Variants in NDUFAF2 observed in about 807,000 individuals in gnomAD.
NDUFAF2 encodes NADH dehydrogenase [ubiquinone] 1 alpha subcomplex assembly factor 2.
In NDUFAF2, 13 loss-of-function variants were observed where a neutral mutation model predicts 22.8. The observed-to-expected ratio is 0.57, with a 90% CI of 0.37 to 0.91. The LOEUF (loss-of-function observed/expected upper bound fraction) is 0.91, where lower values mean the gene tolerates loss of function less well. NDUFAF2 is among the 40% of genes least tolerant of loss of function. The pLI is 0.01. For missense variants in NDUFAF2, 162 were observed against 195.2 expected, an observed-to-expected ratio of 0.83 and a Z score of 1.01; for synonymous variants, 53 against 64.2, an observed-to-expected ratio of 0.83 and a Z score of 0.84.
chr5:61,098,318 A>G (rs1752668276), intron 2 of NDUFAF2, among the ~76,000 whole-genome samples: 1 of 152,208 alleles, frequency 6.6e-6, no homozygotes, highest in South Asian at 2.1e-4. Flanking sequence ...TGACTTTAGA[A>G]TCTCATAAGC....
At chr5:61,050,882 A>C (rs917088555) in intron 1 of NDUFAF2, among the ~76,000 whole-genome samples, 6 of 152,206 alleles carry the variant, frequency 3.9e-5, no homozygotes, top group African/African-American at 1.2e-4. Context: ...ATCCAAAGAG[A>C]AAGTGAGTAC....
rs574765188 is a variant in NDUFAF2, at chr5:60,997,935, AAAT to A, written c.127+52554_127+52556del. 2.0e-5 allele frequency among the ~76,000 whole-genome samples: 3 copies of A among 152,304 alleles called. No individual in the cohort carries two copies. In the South Asian group the frequency reaches 6.2e-4, roughly 32 times the overall value. On this transcript the variant is annotated intron_variant, in intron 1 of 3. Coordinates refer to ENST00000296597, the MANE Select transcript of NDUFAF2 (RefSeq NM_174889.5). ...TTGGCCACCTTCCAGGCTTCCTACT[AAAT>A]TATTGGCAGCAAAGCACTAATGTGC...
chr5:60,946,991 A>G (rs770827004), intron 1 of NDUFAF2, among the ~76,000 whole-genome samples: 8 of 152,340 alleles, frequency 5.3e-5, no homozygotes, highest in Middle Eastern at 3.4e-3. Context: ...GTAGTATTCC[A>G]TTGTATGGGT....
chr5:60,967,300 C>T (rs930942036), intron 1 of NDUFAF2, among the ~76,000 whole-genome samples: 1 of 151,882 alleles, frequency 6.6e-6, no homozygotes, highest in African/African-American at 2.4e-5. Flanking sequence ...TACAGTGTAA[C>T]ATCTTCCTTT....
At chr5:61,088,723 ATT>A (rs1334946745) in intron 2 of NDUFAF2, among the ~76,000 whole-genome samples, 2 of 152,122 alleles carry the variant, frequency 1.3e-5, no homozygotes, top group Non-Finnish European at 2.9e-5. Context: ...TTGGAAAATG[ATT>A]TGTTTCATAA....
At chr5:60,989,267 T>C (rs1751125287) in intron 1 of NDUFAF2, among the ~76,000 whole-genome samples, 1 of 152,104 alleles carries the variant, frequency 6.6e-6, no homozygotes, top group African/African-American at 2.4e-5. Flanking sequence ...TTACAGATGC[T>C]GGAGGGGTTA....
chr5:61,043,419 T>C (rs561328037), intron 1 of NDUFAF2, among the ~76,000 whole-genome samples: 3 of 149,344 alleles, frequency 2.0e-5, no homozygotes, highest in African/African-American at 7.2e-5. Flanking sequence ...GTAGTCACCA[T>C]GATGTATAGT....
chr5:61,093,710 T>C (rs1752600422), intron 2 of NDUFAF2, among the ~76,000 whole-genome samples: 1 of 152,254 alleles, frequency 6.6e-6, no homozygotes, highest in Non-Finnish European at 1.5e-5. Context: ...GATATTGGCC[T>C]GAAGTTTTCC....
chr5:61,144,597 A>C (rs1741108673), intron 3 of NDUFAF2, among the ~76,000 whole-genome samples: 2 of 152,178 alleles, frequency 1.3e-5, no homozygotes, highest in Non-Finnish European at 2.9e-5. Flanking sequence ...GCTCCAGAGA[A>C]GCAGAATGGT....
At chr5:60,992,987 C>T (rs1421349021) in intron 1 of NDUFAF2, among the ~76,000 whole-genome samples, 2 of 152,182 alleles carry the variant, frequency 1.3e-5, no homozygotes, top group Non-Finnish European at 2.9e-5. Flanking sequence ...GACTGTTGGT[C>T]TCGTTCCACA....
intron 1 of NDUFAF2, among the ~76,000 whole-genome samples, chr5:61,014,527 G>A (rs1275056261): frequency 6.6e-6 from 1 of 152,100 alleles, no homozygotes. Flanking sequence ...GGAGTCCTGG[G>A]AACCCCTAAT....
At chr5:61,008,487 C>G (rs1269587632) in intron 1 of NDUFAF2, among the ~76,000 whole-genome samples, 1 of 152,106 alleles carries the variant, frequency 6.6e-6, no homozygotes, top group African/African-American at 2.4e-5. Flanking sequence ...AGTTCATCCA[C>G]ACCTTATTTC....
intron 3 of NDUFAF2, among the ~76,000 whole-genome samples, chr5:61,100,660 T>G (rs1413345969): frequency 1.3e-5 from 2 of 152,146 alleles, no homozygotes; most frequent in African/African-American, 4.8e-5. Context: ...GGAAACTTTC[T>G]CTACCACAGA....
At chr5:61,065,636 G>C (rs1752217360) in intron 1 of NDUFAF2, among the ~76,000 whole-genome samples, 1 of 152,066 alleles carries the variant, frequency 6.6e-6, no homozygotes, top group Non-Finnish European at 1.5e-5. Context: ...TTTCGACAAA[G>C]TGTGATATTC....
rs768889484 is a variant in NDUFAF2 at position 61,035,424 on chromosome 5, G to GTTTTTTT, written c.128-37679_128-37673dup. On this transcript the variant is annotated intron_variant, in intron 1 of 3. Transcript: ENST00000296597. ...GACAACTCTCTTTCTCTCTTGCTCT[G>GTTTTTTT]TTTTTTTTTTTTTTTTTTTTTTTTT... Among the ~76,000 whole-genome samples, 90 of 40,522 alleles carry GTTTTTTT rather than the reference G, an allele frequency of 2.2e-3. 13 individuals carry two copies. Among genetic ancestry groups the GTTTTTTT allele is most frequent in the African/African-American group, 3.0e-3 (30 of 9,986 alleles). The allele number at this position is 40,522 out of a possible 152,430, so 26.6% of individuals were successfully genotyped here.
chr5:61,056,919 A>AAAAAATATAT (rs1752105032), intron 1 of NDUFAF2, among the ~76,000 whole-genome samples: 2 of 28,810 alleles, frequency 6.9e-5, no homozygotes, highest in Admixed American at 6.1e-4. Context: ...AAAAAAAAAA[A>AAAAAATATAT]ATATATATAT....
intron 1 of NDUFAF2, among the ~76,000 whole-genome samples, chr5:61,017,371 G>A (rs1399557896): frequency 3.0e-5 from 4 of 131,864 alleles, no homozygotes; most frequent in South Asian, 2.7e-4. Flanking sequence ...TTATTGATTC[G>A]GGTTTTCTTT....
intron 1 of NDUFAF2, among the ~76,000 whole-genome samples, chr5:60,997,521 T>C (rs1369964634): frequency 6.6e-6 from 1 of 152,218 alleles, no homozygotes; most frequent in Non-Finnish European, 1.5e-5. Context: ...TTAAAAACTT[T>C]ATTGAGCTCT....
At chr5:60,951,943 G>A (rs913502921) in intron 1 of NDUFAF2, among the ~76,000 whole-genome samples, 1 of 151,250 alleles carries the variant, frequency 6.6e-6, no homozygotes, top group Non-Finnish European at 1.5e-5. Flanking sequence ...TCTTAGGTGA[G>A]TTTTGGTAGT....
Sources: gnomAD v4.1 joint callset for allele counts (sites outside exome capture counted in the v4.1 genomes callset) on GRCh38, gnomAD v4.1.1 for gene constraint, MANE v1.5 for transcripts, NCBI Gene and HGNC (gene_info 2026-07-23, HGNC 2026-07-21) for gene names.